The following EBF1 variants were observed in gnomAD, a reference collection of about 807,000 sequenced individuals.
EBF1 encodes the protein EBF transcription factor 1.
Under a neutral mutation model 68.4 loss-of-function variants are expected in EBF1, and 10 were observed. The ratio of observed to expected loss-of-function variants is 0.15; its 90% CI spans 0.09 to 0.25. The LOEUF is 0.25. EBF1 is among the 10% of genes least tolerant of loss of function. The probability of loss-of-function intolerance (pLI) is 1.00; values close to 1 mark genes in which losing one functional copy is unlikely to be tolerated. For missense variants in EBF1, 509 were observed against 794.4 expected (o/e 0.64, Z 4.32); for synonymous variants, 298 against 299.8 (o/e 0.99, Z 0.06).
chr5:159,072,285 T>A (rs760142526), intron 6 of EBF1, among the ~76,000 whole-genome samples: 12 of 152,240 alleles, frequency 7.9e-5, no homozygotes, highest in Non-Finnish European at 1.3e-4. Context: ...AAGACTCACA[T>A]AAGTCAAAAT....
chr5:158,698,887 A>T lies in EBF1; in HGVS notation c.*224T>A, dbSNP rs541040178. ...CAATACAGAATAAATATATCCCCCA[A>T]ATACTTGGGAGGTACAACTTTAACC... On this transcript the variant is annotated 3_prime_UTR_variant, in exon 16 of 16. Coordinates refer to ENST00000313708, the MANE Select transcript of EBF1 (RefSeq NM_024007.5). 49 of 433,412 alleles carry T rather than the reference A, an allele frequency of 1.1e-4. No individual in the cohort carries two copies. The South Asian group carries it at 3.4e-3, about 30-fold the overall frequency. The allele number at this position is 433,412 out of a possible 1,614,324, so 26.8% of individuals were successfully genotyped here.
intron 4 of EBF1, among the ~76,000 whole-genome samples, chr5:159,087,339 C>G (rs1261451135): frequency 5.2e-5 from 7 of 135,730 alleles, no homozygotes; most frequent in Admixed American, 5.1e-4. Context: ...TATATATACA[C>G]ACACATATAT....
chr5:158,988,404 C>T (rs1287689031), intron 6 of EBF1, among the ~76,000 whole-genome samples: 3 of 152,266 alleles, frequency 2.0e-5, no homozygotes, highest in East Asian at 1.9e-4. Flanking sequence ...CAGGCCTCTG[C>T]CAGGCAGCAT....
intron 7 of EBF1, among the ~76,000 whole-genome samples, chr5:158,837,948 C>T (rs1789213736): frequency 6.6e-6 from 1 of 152,154 alleles, no homozygotes; most frequent in Admixed American, 6.5e-5. Context: ...AAGACCAAAG[C>T]AAGCTACAAA....
intron 6 of EBF1, among the ~76,000 whole-genome samples, chr5:158,994,184 T>C (rs1174051803): frequency 2.0e-5 from 3 of 152,124 alleles, no homozygotes; most frequent in Non-Finnish European, 4.4e-5. Context: ...CCCACCAACT[T>C]AAATAACTGT....
intron 10 of EBF1, among the ~76,000 whole-genome samples, chr5:158,745,996 C>G (rs1028134198): frequency 2.0e-5 from 3 of 152,084 alleles, no homozygotes; most frequent in Non-Finnish European, 4.4e-5. Flanking sequence ...ATGCCCTGAA[C>G]TTTTAAGGAT....
At chr5:158,883,329 TAC>T (rs1412410931) in intron 6 of EBF1, among the ~76,000 whole-genome samples, 14 of 140,728 alleles carry the variant, frequency 9.9e-5, no homozygotes, top group East Asian at 2.0e-4. Flanking sequence ...TGTATATATA[TAC>T]ACACACATAC....
intron 11 of EBF1, among the ~76,000 whole-genome samples, chr5:158,721,273 A>T (rs745541867): frequency 4.6e-5 from 7 of 152,188 alleles, no homozygotes; most frequent in Non-Finnish European, 8.8e-5. Context: ...GCCTTTGTTA[A>T]AAACATGGTA....
At chr5:159,006,457 T>A (rs964987655) in intron 6 of EBF1, among the ~76,000 whole-genome samples, 4 of 151,980 alleles carry the variant, frequency 2.6e-5, no homozygotes, top group African/African-American at 7.3e-5. Context: ...ATAGGGGGCA[T>A]ATGAGTGGAA....
intron 6 of EBF1, among the ~76,000 whole-genome samples, chr5:158,973,231 T>C (rs1159571952): frequency 6.6e-6 from 1 of 152,166 alleles, no homozygotes; most frequent in African/African-American, 2.4e-5. Flanking sequence ...AGGTACTCAG[T>C]AAATACTTGT....
chr5:158,805,089 A>G (rs1781326033), intron 8 of EBF1, among the ~76,000 whole-genome samples: 1 of 152,164 alleles, frequency 6.6e-6, no homozygotes, highest in Non-Finnish European at 1.5e-5. Flanking sequence ...CTGTTGTAAG[A>G]AAAGTTTGGG....
chr5:158,821,840 A>G (rs1784891374), intron 8 of EBF1, among the ~76,000 whole-genome samples: 1 of 152,214 alleles, frequency 6.6e-6, no homozygotes, highest in Non-Finnish European at 1.5e-5. Context: ...TGAAACCATA[A>G]AGAAGCAGCT....
intron 7 of EBF1, among the ~76,000 whole-genome samples, chr5:158,838,242 A>C (rs1208956961): frequency 6.6e-6 from 1 of 152,042 alleles, no homozygotes; most frequent in East Asian, 1.9e-4. Flanking sequence ...TCAGGAGATC[A>C]AGACCATCCT....
chr5:159,078,294 C>G (rs186635715), intron 5 of EBF1, among the ~76,000 whole-genome samples: 27 of 152,082 alleles, frequency 1.8e-4, no homozygotes, highest in Admixed American at 8.5e-4. Flanking sequence ...GCACCAACCT[C>G]CACTATACAC....
At chr5:158,777,875 G>A (rs79623078) in intron 9 of EBF1, among the ~76,000 whole-genome samples, 26 of 152,194 alleles carry the variant, frequency 1.7e-4, no homozygotes, top group East Asian at 7.7e-4. Flanking sequence ...GAGCTTTGCC[G>A]TGACTCTCCA....
At chr5:158,884,632 C>T (rs1799653352) in intron 6 of EBF1, among the ~76,000 whole-genome samples, 1 of 152,076 alleles carries the variant, frequency 6.6e-6, no homozygotes, top group Non-Finnish European at 1.5e-5. Context: ...AAGAGACACA[C>T]CCGACTCAGC....
At chr5:158,913,362 T>C (rs1248462796) in intron 6 of EBF1, among the ~76,000 whole-genome samples, 1 of 152,156 alleles carries the variant, frequency 6.6e-6, no homozygotes, top group Non-Finnish European at 1.5e-5. Context: ...CTGAACTAAG[T>C]GGAGGAAAAG....
intron 11 of EBF1, among the ~76,000 whole-genome samples, chr5:158,726,334 TA>T (rs1762981291): frequency 6.6e-6 from 1 of 152,100 alleles, no homozygotes; most frequent in Non-Finnish European, 1.5e-5. Context: ...AAGATGAATA[TA>T]AATGCATTAG....
chr5:158,785,248 A>G (rs992704878), intron 9 of EBF1, among the ~76,000 whole-genome samples: 4 of 152,146 alleles, frequency 2.6e-5, no homozygotes, highest in African/African-American at 9.7e-5. Flanking sequence ...CAAACAGGCA[A>G]ACTTGTTTTC....
Sources: allele counts gnomAD v4.1 joint callset (sites outside exome capture counted in the v4.1 genomes callset), GRCh38; gene constraint gnomAD v4.1.1; transcripts MANE v1.5; gene names NCBI Gene and HGNC (gene_info 2026-07-23, HGNC 2026-07-21).